The following BANP variants were observed in gnomAD, a reference collection of about 807,000 sequenced individuals.
BANP encodes the protein protein BANP.
In BANP, 11 loss-of-function variants were observed where a neutral mutation model predicts 68.1. That is an observed-to-expected ratio of 0.16 (90% CI 0.10 to 0.27). The LOEUF (loss-of-function observed/expected upper bound fraction) is 0.27. BANP is among the 10% of genes least tolerant of loss of function. The probability of loss-of-function intolerance (pLI) is 1.00; values close to 1 mark genes in which losing one functional copy is unlikely to be tolerated. For synonymous variants in BANP, 329 were observed against 303.2 expected (o/e 1.09, Z -0.88); for missense variants, 504 against 722.7 (o/e 0.70, Z 3.47).
chr16:88,048,556 C>T lies in BANP; in HGVS notation c.1311+10545C>T, dbSNP rs539420933. On this transcript the variant is annotated intron_variant, in intron 11 of 13. Transcript: ENST00000682872. ...TCTAACAGTGTTCTTGGTATCGAAT[C>T]GGCGCTCACCACAGATTAAAGAAAG... Among the ~76,000 whole-genome samples the T allele has an allele frequency of 3.4e-4, 51 of 150,646 alleles. No individual in the cohort carries two copies. The South Asian group carries it at 9.3e-3, about 28-fold the overall frequency.
At chr16:88,059,795 C>A (rs1041410248) in intron 11 of BANP, among the ~76,000 whole-genome samples, 9 of 152,254 alleles carry the variant, frequency 5.9e-5, no homozygotes, top group Non-Finnish European at 1.3e-4. Context: ...CATGCCCCCT[C>A]CTCTGCTCCC....
In BANP at chr16:88,006,211, G is replaced by A; in HGVS notation, c.601G>A (p.Ala201Thr). 1 of 1,613,414 alleles carries A rather than the reference G, an allele frequency of 6.2e-7. No homozygotes were observed. The highest frequency in any genetic ancestry group is 1.1e-5 in the South Asian group (1 of 91,066). ...ASDSVSSCGQ[A>T]GSQSIGSNVT... The stretch of plus-strand genomic sequence containing the variant: ...CGACTCTGTGTCCAGCTGTGGGCAG[G>A]CGGGCAGTCAGAGCATCGGGAGCAA... Residue 201 changes from alanine (A) to threonine (T), a missense_variant, in exon 6 of 14, where the codon GCG (alanine) becomes ACG (threonine). Physicochemically the swap from Ala to Thr is moderately conservative, Grantham distance 58 (BLOSUM62 0). This residue lies in a region of BANP where 238 missense variants were observed against 278.9 expected (regional missense o/e 0.85). Coordinates refer to ENST00000682872, the MANE Select transcript of BANP (RefSeq NM_001386991.1).
intron 6 of BANP, among the ~76,000 whole-genome samples, chr16:88,014,161 G>A (rs1040981928): frequency 3.9e-5 from 6 of 152,206 alleles, no homozygotes; most frequent in Non-Finnish European, 5.9e-5. Flanking sequence ...GCCTGGACGA[G>A]GCCACTGGTT....
At chr16:88,061,269 C>T (rs1338251887) in intron 11 of BANP, among the ~76,000 whole-genome samples, 2 of 152,220 alleles carry the variant, frequency 1.3e-5, no homozygotes, top group Non-Finnish European at 2.9e-5. Flanking sequence ...TGTAAATCTG[C>T]CTTATAGCTC....
At chr16:88,040,778 C>G (rs1035859995) in intron 11 of BANP, among the ~76,000 whole-genome samples, 1 of 152,238 alleles carries the variant, frequency 6.6e-6, no homozygotes, top group African/African-American at 2.4e-5. Flanking sequence ...ACCCTGCAGC[C>G]CACGCTTGTT....
intron 11 of BANP, among the ~76,000 whole-genome samples, chr16:88,060,601 G>A: frequency 6.6e-6 from 1 of 152,214 alleles, no homozygotes; most frequent in East Asian, 1.9e-4. Context: ...CCACGAGAAC[G>A]GTGCCATCTG....
intron 4 of BANP, among the ~76,000 whole-genome samples, chr16:87,997,935 C>T (rs1044355519): frequency 6.6e-6 from 1 of 152,332 alleles, no homozygotes; most frequent in Admixed American, 6.5e-5. Flanking sequence ...TTAGCACTTC[C>T]TGGTGGAATT....
intron 1 of BANP, chr16:87,959,741 G>C (rs192226144): frequency 6.6e-6 from 1 of 152,490 alleles, no homozygotes; most frequent in Non-Finnish European, 1.5e-5. Context: ...CAGGGTACTC[G>C]GTGAGAGCCC....
chr16:88,061,630 C>T lies in BANP; in HGVS notation c.1312-3637C>T, dbSNP rs371450959. Among the ~76,000 whole-genome samples, 23 of 152,008 alleles carry T rather than the reference C, an allele frequency of 1.5e-4. No homozygotes were observed. The East Asian group carries it at 3.3e-3, about 22-fold the overall frequency. On this transcript the variant is annotated intron_variant, in intron 11 of 13. Transcript: ENST00000682872. Reference sequence around the variant, plus strand: ...GATTTTAGGCCAGTTGGGGGCATCACTGGGATGAGCCTCTTTCTCTGAGCA... The same window carrying T: ...GATTTTAGGCCAGTTGGGGGCATCATTGGGATGAGCCTCTTTCTCTGAGCA...
At chr16:88,063,133 G>A (rs1380899666) in intron 11 of BANP, among the ~76,000 whole-genome samples, 1 of 152,260 alleles carries the variant, frequency 6.6e-6, no homozygotes, top group Non-Finnish European at 1.5e-5. Flanking sequence ...AGCGGAGGGC[G>A]CACCGCGGCC....
At chr16:88,001,363 T>C (rs1228584107) in intron 4 of BANP, among the ~76,000 whole-genome samples, 5 of 140,874 alleles carry the variant, frequency 3.5e-5, no homozygotes, top group Non-Finnish European at 6.2e-5. Context: ...CGCACGTGCG[T>C]GGCTGGACTT....
chr16:88,043,106 G>T (rs550507135), intron 11 of BANP, among the ~76,000 whole-genome samples: 1 of 152,304 alleles, frequency 6.6e-6, no homozygotes, highest in South Asian at 2.1e-4. Flanking sequence ...AGCAGAGCCC[G>T]TGTGTGTGGA....
At chr16:88,024,043 T>A (rs1228009616) in intron 7 of BANP, among the ~76,000 whole-genome samples, 1 of 152,204 alleles carries the variant, frequency 6.6e-6, no homozygotes, top group African/African-American at 2.4e-5. Context: ...TCTGTTCTCC[T>A]TGTGTCCTGG....
chr16:88,076,686 C>A lies in BANP; in HGVS notation c.*25C>A, dbSNP rs940161337. On this transcript the variant is annotated 3_prime_UTR_variant, in exon 14 of 14. Coordinates refer to ENST00000682872, the MANE Select transcript of BANP (RefSeq NM_001386991.1). ...AGCGGTGCCCATGGCACCAGGAGCC[C>A]CTCGCCGGCTCCGCCTACGGCCCGG... is the stretch of plus-strand genomic sequence containing the variant. 5.0e-6 allele frequency: 8 copies of A among 1,594,572 alleles called. No individual in the cohort carries two copies. Among genetic ancestry groups the A allele is most frequent in the Non-Finnish European group, 6.0e-6 (7 of 1,173,548 alleles).
chr16:88,022,438 G>T (rs1373869426), intron 7 of BANP, among the ~76,000 whole-genome samples: 3 of 152,234 alleles, frequency 2.0e-5, no homozygotes, highest in Non-Finnish European at 4.4e-5. Flanking sequence ...AAGGTAAAAA[G>T]TTATGCTTTC....
At chr16:88,016,966 G>T (rs2074719992) in intron 6 of BANP, among the ~76,000 whole-genome samples, 1 of 152,176 alleles carries the variant, frequency 6.6e-6, no homozygotes, top group African/African-American at 2.4e-5. Context: ...TGAAGACAGG[G>T]TGACCAGCCC....
intron 1 of BANP, among the ~76,000 whole-genome samples, chr16:87,960,175 C>T (rs1255853431): frequency 1.3e-5 from 2 of 152,106 alleles, no homozygotes; most frequent in African/African-American, 2.4e-5. Flanking sequence ...CCCCGCGGAC[C>T]GTGAGGATGG....
In BANP at chr16:88,006,280, G is replaced by A; in HGVS notation, c.655+15G>A. ...GAACTCGGAAGGTGCGTCCAGGGCG[G>A]CTTTCCTCGGCCAGAGCGCCAGTAC... is the stretch of plus-strand genomic sequence containing the variant. On this transcript the variant is annotated intron_variant, in intron 6 of 13. Coordinates refer to ENST00000682872, the MANE Select transcript of BANP (RefSeq NM_001386991.1). 6.4e-7 allele frequency: 1 copy of A among 1,573,774 alleles called. No individual in the cohort carries two copies.
At position 88,004,029 on chromosome 16, in the gene BANP, A is replaced by G. The variant is rs2070214883; in HGVS notation, c.363-266A>G. ...ATCCTCAGCCCAGCTGTCCTGTGCT[A>G]TCCAGTTGTGCAGACAGATCACCAA... is the stretch of plus-strand genomic sequence containing the variant. On this transcript the variant is annotated intron_variant, in intron 4 of 13. Transcript: ENST00000682872. This position sits in a 1 kb window ranked among gnomAD's most constrained non-coding sequence, Gnocchi z 7.0. 1 of 417,730 alleles carries G rather than the reference A, an allele frequency of 2.4e-6. No individual in the cohort carries two copies. The highest frequency in any genetic ancestry group is 4.5e-6 in the Non-Finnish European group (1 of 223,938). 25.9% of individuals were successfully genotyped at this position (417,730 alleles called of 1,614,324 possible). A position where few individuals can be genotyped will look rare whatever the true frequency, so the allele number is the denominator to read the frequency against.
Sources: allele counts gnomAD v4.1 joint callset (sites outside exome capture counted in the v4.1 genomes callset), GRCh38; gene constraint gnomAD v4.1.1; regional missense constraint gnomAD v4.1.1; non-coding constraint Gnocchi (gnomAD v3.1); transcripts MANE v1.5; gene names NCBI Gene and HGNC (gene_info 2026-07-23, HGNC 2026-07-21).